Variants in LINGO2 observed in about 807,000 individuals in gnomAD.
LINGO2 encodes the protein leucine-rich repeat and immunoglobulin-like domain-containing nogo receptor-interacting protein 2.
In LINGO2, 14 loss-of-function variants were observed where a neutral mutation model predicts 30.6. That is an observed-to-expected ratio of 0.46 (90% CI 0.30 to 0.72). The LOEUF is 0.72. Among genes scored for constraint, LINGO2 ranks in the 30% least tolerant of loss-of-function variants. LINGO2 has a pLI of 0.07. For missense variants in LINGO2, 729 were observed against 751.7 expected (o/e 0.97, Z 0.35); for synonymous variants, 317 against 288.5 (o/e 1.10, Z -1.00).
chr9:29,024,694 A>T, the LINGO2 span, among the ~76,000 whole-genome samples: 1 of 152,264 alleles, frequency 6.6e-6, no homozygotes, highest in Non-Finnish European at 1.5e-5. Context: ...AGGCAGAGTG[A>T]TATTGAAATG....
chr9:28,120,545 G>A (rs1480041819), intron 4 of LINGO2, among the ~76,000 whole-genome samples: 3 of 152,234 alleles, frequency 2.0e-5, no homozygotes, highest in Admixed American at 6.5e-5. Context: ...CCTTTTCTGG[G>A]ACCCACAATT....
chr9:29,212,373 G>A, the LINGO2 span, among the ~76,000 whole-genome samples: 1 of 151,866 alleles, frequency 6.6e-6, no homozygotes, highest in African/African-American at 2.4e-5. Context: ...CGGAGGCGAA[G>A]GGAACAGCAG....
intron 1 of LINGO2, among the ~76,000 whole-genome samples, chr9:28,495,305 G>C (rs1363236970): frequency 1.3e-5 from 2 of 152,150 alleles, no homozygotes; most frequent in African/African-American, 4.8e-5. Flanking sequence ...CCTATGTCCT[G>C]AATGGTATTG....
upstream of LINGO2, among the ~76,000 whole-genome samples, chr9:28,672,377 A>G (rs989241859): frequency 6.6e-6 from 1 of 152,138 alleles, no homozygotes; most frequent in Non-Finnish European, 1.5e-5. Flanking sequence ...TTTATTTTAT[A>G]ATTTATAAAT....
At chr9:29,115,689 C>A in the LINGO2 span, among the ~76,000 whole-genome samples, 1 of 151,666 alleles carries the variant, frequency 6.6e-6, no homozygotes, top group Non-Finnish European at 1.5e-5. Flanking sequence ...CTAAAACTAT[C>A]ATTACATTTA....
chr9:28,407,783 C>G (rs1822573741), intron 2 of LINGO2, among the ~76,000 whole-genome samples: 1 of 152,102 alleles, frequency 6.6e-6, no homozygotes, highest in South Asian at 2.1e-4. Context: ...TACTGAATCA[C>G]TATAATTTTA....
intron 5 of LINGO2, among the ~76,000 whole-genome samples, chr9:28,005,885 C>G (rs1206191503): frequency 1.3e-5 from 2 of 151,778 alleles, no homozygotes; most frequent in Admixed American, 6.6e-5. Flanking sequence ...TCAACCTGGC[C>G]CAGTATTCCT....
chr9:28,521,099 G>C (rs1055064169), intron 1 of LINGO2, among the ~76,000 whole-genome samples: 4 of 152,104 alleles, frequency 2.6e-5, no homozygotes, highest in African/African-American at 9.7e-5. Context: ...AAATTGGAGG[G>C]AATACTAATC....
At chr9:29,146,437 T>C in the LINGO2 span, among the ~76,000 whole-genome samples, 3 of 152,032 alleles carry the variant, frequency 2.0e-5, no homozygotes, top group Admixed American at 1.3e-4. Context: ...GGTGCAAAAG[T>C]TATTGCTGCT....
chr9:28,511,028 GT>G (rs891636390), intron 1 of LINGO2, among the ~76,000 whole-genome samples: 4 of 151,874 alleles, frequency 2.6e-5, no homozygotes, highest in African/African-American at 9.7e-5. Flanking sequence ...TGATTAGACT[GT>G]GCCCACTAGA....
At chr9:28,253,407 A>G (rs993472203) in intron 4 of LINGO2, among the ~76,000 whole-genome samples, 5 of 152,152 alleles carry the variant, frequency 3.3e-5, no homozygotes, top group Admixed American at 3.3e-4. Flanking sequence ...GCTGCTGCAT[A>G]CCAATTATTT....
intron 4 of LINGO2, among the ~76,000 whole-genome samples, chr9:28,034,456 A>G (rs1438208565): frequency 6.6e-6 from 1 of 152,186 alleles, no homozygotes; most frequent in Non-Finnish European, 1.5e-5. Context: ...GGTTTCGCAC[A>G]TATTCTAGTT....
intron 4 of LINGO2, among the ~76,000 whole-genome samples, chr9:28,142,329 T>G (rs1827696980): frequency 6.6e-6 from 1 of 152,094 alleles, no homozygotes; most frequent in African/African-American, 2.4e-5. Flanking sequence ...AAGTAAGTAT[T>G]TTTAAGTAGA....
At chr9:29,187,460 G>A in the LINGO2 span, among the ~76,000 whole-genome samples, 1 of 152,038 alleles carries the variant, frequency 6.6e-6, no homozygotes, top group Non-Finnish European at 1.5e-5. Flanking sequence ...ACCTCTGGTC[G>A]TTCACTCTGT....
At chr9:28,473,211 T>G (rs1386370185) in intron 2 of LINGO2, among the ~76,000 whole-genome samples, 9 of 152,130 alleles carry the variant, frequency 5.9e-5, no homozygotes, top group Non-Finnish European at 1.0e-4. Flanking sequence ...ACTTGTTTTT[T>G]TTTTCAGCAG....
At chr9:28,848,391 GTGTGTGTATATATATA>G in the LINGO2 span, among the ~76,000 whole-genome samples, 197 of 55,076 alleles carry the variant, frequency 3.6e-3, 1 homozygote, top group African/African-American at 0.01. Context: ...GTGTGTGTGT[GTGTGTGTATATATATA>G]TATATATATA....
intron 4 of LINGO2, among the ~76,000 whole-genome samples, chr9:28,269,369 A>G (rs1419737942): frequency 1.3e-5 from 2 of 152,112 alleles, no homozygotes; most frequent in African/African-American, 4.8e-5. Context: ...TAAAGGGAAC[A>G]TTAAGTTTTC....
chr9:28,021,778 G>A (rs996224571), intron 4 of LINGO2, among the ~76,000 whole-genome samples: 8 of 151,960 alleles, frequency 5.3e-5, no homozygotes, highest in African/African-American at 1.4e-4. Flanking sequence ...AGTCAGTTTC[G>A]TTTAATACAC....
chr9:28,149,475 C>CACGG, intron 4 of LINGO2, among the ~76,000 whole-genome samples: 1 of 142,496 alleles, frequency 7.0e-6, no homozygotes, highest in East Asian at 2.2e-4. Flanking sequence ...CCCCCGCCCT[C>CACGG]TCTGGGAAGT....
Sources: allele counts gnomAD v4.1 joint callset (sites outside exome capture counted in the v4.1 genomes callset), GRCh38; gene constraint gnomAD v4.1.1; transcripts MANE v1.5; gene names NCBI Gene and HGNC (gene_info 2026-07-23, HGNC 2026-07-21).